CHSY1: variants seen among roughly 807,000 people sequenced by gnomAD.
CHSY1 encodes the protein N-acetylgalactosaminyl-proteoglycan 3-beta-glucuronosyltransferase 1.
Under a neutral mutation model 59.8 loss-of-function variants are expected in CHSY1, and 13 were observed. The observed-to-expected ratio is 0.22, with a 90% confidence interval of 0.14 to 0.35. The LOEUF is 0.35. Ranked by LOEUF, CHSY1 falls within the 10% of genes least tolerant of loss-of-function variation. The pLI is 1.00. For synonymous variants in CHSY1, 459 were observed against 401.2 expected, an observed-to-expected ratio of 1.14 and a Z score of -1.72; for missense variants, 947 against 1,030.6, an observed-to-expected ratio of 0.92 and a Z score of 1.11.
At chr15:101,249,011 G>T (rs2039079653) in intron 1 of CHSY1, among the ~76,000 whole-genome samples, 1 of 143,604 alleles carries the variant, frequency 7.0e-6, no homozygotes, top group African/African-American at 2.6e-5. Context: ...CACCGTGTTA[G>T]CCAGGATGGT....
At chr15:101,195,499 G>A (rs950835467) in intron 2 of CHSY1, among the ~76,000 whole-genome samples, 2 of 152,216 alleles carry the variant, frequency 1.3e-5, no homozygotes, top group Non-Finnish European at 2.9e-5. Context: ...TGTGTCAACC[G>A]AAAGCTACAA....
intron 1 of CHSY1, among the ~76,000 whole-genome samples, chr15:101,249,123 T>C (rs1338747189): frequency 2.0e-5 from 3 of 151,920 alleles, no homozygotes; most frequent in Non-Finnish European, 2.9e-5. Flanking sequence ...TTTCTGAGTA[T>C]TGCTGGTGCA....
At chr15:101,227,315 G>C (rs958791718) in intron 2 of CHSY1, among the ~76,000 whole-genome samples, 5 of 152,120 alleles carry the variant, frequency 3.3e-5, no homozygotes, top group Admixed American at 2.6e-4. Flanking sequence ...TTCCCTGGAA[G>C]ACCTTGCAAT....
In CHSY1 at chr15:101,251,727, C is replaced by A. The variant is rs1335992188; in HGVS notation, c.-271G>T. ...GCGCGCGCTAGCGGCGGCTCGGGCG[C>A]GAGGTGGCGGCGGCTCCTCCCGCTC... On this transcript the variant is annotated 5_prime_UTR_variant, in exon 1 of 3. Transcript: ENST00000254190. The A allele has an allele frequency of 8.1e-5, 12 of 148,464 alleles. No homozygotes were observed. Among genetic ancestry groups the A allele is most frequent in the Non-Finnish European group, 1.4e-4 (9 of 66,630 alleles). The allele number at this position is 148,464 out of a possible 1,614,324, so 9.2% of individuals were successfully genotyped here.
chr15:101,195,133 C>G (rs1047397845), intron 2 of CHSY1, among the ~76,000 whole-genome samples: 1 of 152,134 alleles, frequency 6.6e-6, no homozygotes, highest in Non-Finnish European at 1.5e-5. Context: ...ACAATATATA[C>G]TTATTATAAA....
At chr15:101,234,815 C>T (rs1323653916) in intron 2 of CHSY1, among the ~76,000 whole-genome samples, 2 of 152,014 alleles carry the variant, frequency 1.3e-5, no homozygotes, top group African/African-American at 2.4e-5. Context: ...TAAAGTGAGC[C>T]GAGATGGCGC....
intron 2 of CHSY1, among the ~76,000 whole-genome samples, chr15:101,212,502 G>A (rs1173183281): frequency 6.6e-6 from 1 of 152,204 alleles, no homozygotes; most frequent in East Asian, 1.9e-4. Context: ...GCTCAAGTGA[G>A]AGAAGCCTTA....
chr15:101,227,101 A>T (rs2038848639), intron 2 of CHSY1, among the ~76,000 whole-genome samples: 1 of 152,228 alleles, frequency 6.6e-6, no homozygotes, highest in Admixed American at 6.5e-5. Flanking sequence ...CAAGAAAAAG[A>T]CAAAAATTTT....
At chr15:101,240,295 A>G (rs1018255044) in intron 1 of CHSY1, among the ~76,000 whole-genome samples, 3 of 152,190 alleles carry the variant, frequency 2.0e-5, no homozygotes, top group African/African-American at 7.2e-5. Flanking sequence ...GGAGGAGGGG[A>G]TGCATTAATA....
At chr15:101,249,807 G>A (rs2039089061) in intron 1 of CHSY1, among the ~76,000 whole-genome samples, 1 of 152,138 alleles carries the variant, frequency 6.6e-6, no homozygotes, top group Non-Finnish European at 1.5e-5. Context: ...GAGCCACGGC[G>A]CCCCGCCTGC....
intron 2 of CHSY1, among the ~76,000 whole-genome samples, chr15:101,209,161 G>C (rs1050307719): frequency 6.6e-6 from 1 of 152,154 alleles, no homozygotes; most frequent in Non-Finnish European, 1.5e-5. Flanking sequence ...AATGACCAAA[G>C]TTAATACTAC....
intron 2 of CHSY1, among the ~76,000 whole-genome samples, chr15:101,230,755 G>A (rs1353550401): frequency 6.6e-6 from 1 of 151,980 alleles, no homozygotes; most frequent in African/African-American, 2.4e-5. Flanking sequence ...AGCCTTCCCT[G>A]TACTGTTTTA....
intron 2 of CHSY1, among the ~76,000 whole-genome samples, chr15:101,188,655 A>C (rs2038403154): frequency 6.6e-6 from 1 of 152,204 alleles, no homozygotes; most frequent in Admixed American, 6.5e-5. Context: ...CTGAAACCTA[A>C]ACACCTTTTA....
At chr15:101,193,759 C>G (rs1439243322) in intron 2 of CHSY1, among the ~76,000 whole-genome samples, 2 of 152,232 alleles carry the variant, frequency 1.3e-5, no homozygotes, top group African/African-American at 2.4e-5. Context: ...AATACCAACA[C>G]TCCTGGCACC....
chr15:101,184,645 C>A (rs1488612628), intron 2 of CHSY1, among the ~76,000 whole-genome samples: 1 of 151,912 alleles, frequency 6.6e-6, no homozygotes, highest in East Asian at 1.9e-4. Flanking sequence ...CCACCCAGCC[C>A]GGCCATTTTC....
At chr15:101,251,028 C>T in intron 1 of CHSY1, 109 bp downstream of exon 1, 1 of 1,079,030 alleles carries the variant, frequency 9.3e-7, no homozygotes, top group Non-Finnish European at 1.3e-6. Context: ...CGCCGGAAGC[C>T]CAAGAAGGGC....
rs1006772308 is a variant in CHSY1, at chr15:101,251,256, C to CCCGCGCGCATCG, written c.189_200dup (p.Asp64_Gly67dup). On this transcript the variant is annotated inframe_insertion, in exon 1 of 3. Transcript: ENST00000254190. ...CCGAGCCGGGCGGCCAGAGCTGCGC[C>CCCGCGCGCATCG]CCGCGCGCATCGCCGCGCGCCCCGC... The CCCGCGCGCATCG allele has an allele frequency of 1.6e-5, 23 of 1,403,214 alleles. No individual in the cohort carries two copies. The highest frequency in any genetic ancestry group is 2.0e-5 in the Non-Finnish European group (22 of 1,078,756). 86.9% of individuals were successfully genotyped at this position (1,403,214 alleles called of 1,614,324 possible). A position where few individuals can be genotyped will look rare whatever the true frequency, so the allele number is the denominator to read the frequency against.
At chr15:101,217,884 G>A (rs189819966) in intron 2 of CHSY1, among the ~76,000 whole-genome samples, 18 of 152,300 alleles carry the variant, frequency 1.2e-4, no homozygotes, top group African/African-American at 4.3e-4. Context: ...GAAGAGCACA[G>A]TATGTAAAGG....
At chr15:101,205,795 C>CA (rs200273406) in intron 2 of CHSY1, among the ~76,000 whole-genome samples, 1 of 151,920 alleles carries the variant, frequency 6.6e-6, no homozygotes. Context: ...ACTAAAAATA[C>CA]AAAAAATTAG....
Sources: allele counts gnomAD v4.1 joint callset (sites outside exome capture counted in the v4.1 genomes callset), GRCh38; gene constraint gnomAD v4.1.1; transcripts MANE v1.5; gene names NCBI Gene and HGNC (gene_info 2026-07-23, HGNC 2026-07-21).